SRGAP2C: variants seen among roughly 807,000 people sequenced by gnomAD.
SRGAP2C encodes the protein SLIT-ROBO Rho GTPase-activating protein 2C.
Under a neutral mutation model 25.1 loss-of-function variants are expected in SRGAP2C, and 15 were observed. The observed-to-expected ratio is 0.60, with a 90% CI of 0.40 to 0.92. The LOEUF is 0.92. Among genes scored for constraint, SRGAP2C ranks in the 40% least tolerant of loss-of-function variants. The pLI is 0.00. For missense variants in SRGAP2C, 144 were observed against 264.4 expected (o/e 0.54, Z 3.16); for synonymous variants, 44 against 96.6 (o/e 0.46, Z 3.19).
intron 4 of SRGAP2C, among the ~76,000 whole-genome samples, chr1:121,331,352 G>T (rs1404782013): frequency 2.3e-4 from 4 of 17,222 alleles, no homozygotes; most frequent in Admixed American, 8.3e-4. Flanking sequence ...AGAGAGGAAG[G>T]TCATGTGATA....
intron 2 of SRGAP2C, among the ~76,000 whole-genome samples, chr1:121,235,223 G>A (rs1313844445): frequency 9.0e-6 from 1 of 111,142 alleles, no homozygotes; most frequent in Non-Finnish European, 1.8e-5. Flanking sequence ...CAGAGACGGG[G>A]TTTCACCGTG....
At chr1:121,323,615 CAAAA>C (rs1163708332) in intron 3 of SRGAP2C, among the ~76,000 whole-genome samples, 13 of 28,166 alleles carry the variant, frequency 4.6e-4, no homozygotes, top group South Asian at 2.4e-3. Flanking sequence ...GACTTTGTCT[CAAAA>C]AAAAAAAAAA....
rs1216196603 is a variant in SRGAP2C at position 121,387,638 on chromosome 1, AG to A, written c.1164del (p.Lys389ArgfsTer14). 5 of 580,000 alleles carry A rather than the reference AG, an allele frequency of 8.6e-6. No homozygotes were observed. The Admixed American group carries it at 1.4e-4, about 17-fold the overall frequency. The allele number at this position is 580,000 out of a possible 1,614,324, so 35.9% of individuals were successfully genotyped here. On this transcript the variant is annotated frameshift_variant, in exon 10 of 10. Coordinates refer to ENST00000367123, the MANE Select transcript of SRGAP2C (RefSeq NM_001329984.2). LOFTEE classifies it high-confidence loss of function. ...TGTTGGCCCTTGTCGTGGCAGGTAA[AG>A]AAGACAATGGAGGCCACCCTGCAAA... is the stretch of plus-strand genomic sequence containing the variant. ...STLKIENEEV[K>X]KTMEATLQTI...
chr1:121,328,899 A>C lies in SRGAP2C; in HGVS notation c.423+4259A>C, dbSNP rs1266802333. ...CAGACCCTGTCTGTTTAAAAAAAAA[A>C]AAAAAACAAAAAACAAAAAACAAAA... On this transcript the variant is annotated intron_variant, in intron 4 of 9. Transcript: ENST00000367123. Among the ~76,000 whole-genome samples the C allele has an allele frequency of 1.0e-4, 13 of 126,872 alleles. 1 individual carries two copies. The highest frequency in any genetic ancestry group is 2.1e-4 in the African/African-American group (7 of 33,592). The allele number at this position is 126,872 out of a possible 152,430, so 83.2% of individuals were successfully genotyped here.
At chr1:121,350,802 A>C (rs1488753245) in intron 4 of SRGAP2C, among the ~76,000 whole-genome samples, 5 of 151,504 alleles carry the variant, frequency 3.3e-5, no homozygotes, top group African/African-American at 1.2e-4. Flanking sequence ...CAAGAAAATG[A>C]AAAGACAGCT....
rs1164126584 is a variant in SRGAP2C at position 121,188,919 on chromosome 1, C to T, written c.67+1406C>T. On this transcript the variant is annotated intron_variant, in intron 2 of 9. Coordinates refer to ENST00000367123, the MANE Select transcript of SRGAP2C (RefSeq NM_001329984.2). Reference sequence around the variant, plus strand: ...GGGGGAGTTGACTGATTGATAGCTTCAGTTGAACTGGGATTGAGAGAGGTG... The same window carrying T: ...GGGGGAGTTGACTGATTGATAGCTTTAGTTGAACTGGGATTGAGAGAGGTG... Among the ~76,000 whole-genome samples the T allele has an allele frequency of 5.2e-5, 4 of 77,092 alleles. 1 individual carries two copies. Among genetic ancestry groups the T allele is most frequent in the African/African-American group, 2.5e-4 (4 of 15,960 alleles). 50.6% of individuals were successfully genotyped at this position (77,092 alleles called of 152,430 possible).
At chr1:121,195,180 G>A (rs1462156076) in intron 2 of SRGAP2C, among the ~76,000 whole-genome samples, 2 of 152,170 alleles carry the variant, frequency 1.3e-5, no homozygotes, top group Non-Finnish European at 2.9e-5. Context: ...AGAGGCCAAG[G>A]CAGATGGATC....
At chr1:121,303,671 TACAC>T (rs1389492941) in intron 3 of SRGAP2C, among the ~76,000 whole-genome samples, 2 of 147,548 alleles carry the variant, frequency 1.4e-5, no homozygotes. Flanking sequence ...CATAGACACA[TACAC>T]ACACACACCC....
At chr1:121,284,189 T>C (rs1657311285) in intron 2 of SRGAP2C, among the ~76,000 whole-genome samples, 1 of 151,758 alleles carries the variant, frequency 6.6e-6, no homozygotes, top group South Asian at 2.1e-4. Context: ...TCTTTTGTTT[T>C]GATTGCTACC....
chr1:121,270,271 C>T (rs1402312113), intron 2 of SRGAP2C, among the ~76,000 whole-genome samples: 2 of 151,930 alleles, frequency 1.3e-5, no homozygotes, highest in African/African-American at 4.8e-5. Context: ...TTTTTTAAGA[C>T]ATGGCTACTT....
rs1378380291 is a variant in SRGAP2C, at chr1:121,263,310, C to G, written c.68-21493C>G. Among the ~76,000 whole-genome samples, 5 of 150,590 alleles carry G rather than the reference C, an allele frequency of 3.3e-5. No homozygotes were observed. The East Asian group carries it at 9.8e-4, about 30-fold the overall frequency. On this transcript the variant is annotated intron_variant, in intron 2 of 9. Transcript: ENST00000367123. Reference sequence around the variant, plus strand: ...CTGCACTCTAGCCTGGGTGACAAAGCAAGACTCTGTCTCAAAAAACAAACA... The same window carrying G: ...CTGCACTCTAGCCTGGGTGACAAAGGAAGACTCTGTCTCAAAAAACAAACA...
intron 3 of SRGAP2C, among the ~76,000 whole-genome samples, chr1:121,315,636 C>G (rs1553340531): frequency 4.7e-5 from 7 of 148,008 alleles, no homozygotes; most frequent in African/African-American, 1.7e-4. Context: ...AATGGACATA[C>G]AAATTTGGTC....
intron 2 of SRGAP2C, among the ~76,000 whole-genome samples, chr1:121,270,837 G>T (rs1656931730): frequency 6.7e-6 from 1 of 148,232 alleles, no homozygotes; most frequent in Non-Finnish European, 1.5e-5. Flanking sequence ...CTGTCGCCCA[G>T]GCTGGAGTGC....
chr1:121,224,146 A>G (rs1308995135), intron 2 of SRGAP2C, among the ~76,000 whole-genome samples: 2 of 145,432 alleles, frequency 1.4e-5, no homozygotes, highest in Admixed American at 1.4e-4. Flanking sequence ...AGGCTCACAT[A>G]CAAACAAACA....
intron 4 of SRGAP2C, among the ~76,000 whole-genome samples, chr1:121,345,743 C>T (rs1553343718): frequency 6.8e-6 from 1 of 147,522 alleles, no homozygotes; most frequent in African/African-American, 2.5e-5. Flanking sequence ...CCCCCGCCTC[C>T]CAGGTTCAAG....
At chr1:121,228,282 G>T (rs1370233535) in intron 2 of SRGAP2C, among the ~76,000 whole-genome samples, 2 of 149,214 alleles carry the variant, frequency 1.3e-5, no homozygotes, top group Non-Finnish European at 3.0e-5. Flanking sequence ...TGGAGTTTAT[G>T]AGCCTGGCTT....
chr1:121,282,721 AT>A (rs1216453747), intron 2 of SRGAP2C, among the ~76,000 whole-genome samples: 80,975 of 135,062 alleles, frequency 0.6, 24,850 homozygotes, highest in East Asian at 0.78. Context: ...TGCCTGGCTA[AT>A]TTTTTTTTTG....
At chr1:121,263,379 A>C (rs1476545951) in intron 2 of SRGAP2C, among the ~76,000 whole-genome samples, 7 of 141,478 alleles carry the variant, frequency 4.9e-5, no homozygotes, top group African/African-American at 7.8e-5. Context: ...TGCGGTGAGC[A>C]GAGATCACAC....
chr1:121,355,289 C>A (rs1372526550), intron 4 of SRGAP2C, among the ~76,000 whole-genome samples: 1 of 132,334 alleles, frequency 7.6e-6, no homozygotes, highest in South Asian at 2.5e-4. Flanking sequence ...CTGACAACTG[C>A]GGGTAGATAC....
Sources: allele counts gnomAD v4.1 joint callset (sites outside exome capture counted in the v4.1 genomes callset), GRCh38; gene constraint gnomAD v4.1.1; transcripts MANE v1.5; gene names NCBI Gene and HGNC (gene_info 2026-07-23, HGNC 2026-07-21).